The following CTCF variants were observed in gnomAD, a reference collection of about 807,000 sequenced individuals.
CTCF encodes the protein CCCTC-binding factor.
A neutral mutation model predicts 72.3 loss-of-function variants in CTCF; 7 were observed. The observed-to-expected ratio is 0.10, with a 90% CI of 0.06 to 0.18. The LOEUF is 0.18. CTCF is among the 10% of genes least tolerant of loss of function. The pLI is 1.00. For missense variants in CTCF, 516 were observed against 949.1 expected, an observed-to-expected ratio of 0.54 and a Z score of 6.00; for synonymous variants, 374 against 315.8, an observed-to-expected ratio of 1.18 and a Z score of -1.95.
intron 10 of CTCF, among the ~76,000 whole-genome samples, chr16:67,635,205 A>T (rs1181941431): frequency 6.6e-6 from 1 of 151,434 alleles, no homozygotes; most frequent in Non-Finnish European, 1.5e-5. Context: ...GTATTTTAGT[A>T]GAGACAGGGT....
At chr16:67,580,647 T>C (rs565639941) in intron 2 of CTCF, among the ~76,000 whole-genome samples, 3 of 152,006 alleles carry the variant, frequency 2.0e-5, no homozygotes, top group Non-Finnish European at 4.4e-5. Flanking sequence ...CTGCAGCCTC[T>C]GCTTCCCGGG....
At chr16:67,577,902 A>G (rs944150898) in intron 2 of CTCF, among the ~76,000 whole-genome samples, 5 of 152,160 alleles carry the variant, frequency 3.3e-5, no homozygotes, top group Non-Finnish European at 7.3e-5. Context: ...CCTCACTTAA[A>G]TTTGGTCTTA....
chr16:67,610,032 T>C (rs1184504579), intron 2 of CTCF, among the ~76,000 whole-genome samples: 1 of 152,110 alleles, frequency 6.6e-6, no homozygotes. Context: ...CCCAGCCCAG[T>C]AGTGACAACC....
At chr16:67,582,468 G>A (rs1250432352) in intron 2 of CTCF, among the ~76,000 whole-genome samples, 2 of 152,008 alleles carry the variant, frequency 1.3e-5, no homozygotes, top group Admixed American at 6.6e-5. Context: ...TGAGGCGAAC[G>A]GATCGCTTGA....
At chr16:67,596,079 G>A (rs1176481678) in intron 2 of CTCF, among the ~76,000 whole-genome samples, 4 of 151,632 alleles carry the variant, frequency 2.6e-5, no homozygotes, top group African/African-American at 7.3e-5. Context: ...TCAGCCTCCC[G>A]AGTAGCTGGG....
chr16:67,616,354 C>A (rs28643389), intron 4 of CTCF: 2,685 of 172,094 alleles, frequency 0.016, 84 homozygotes, highest in African/African-American at 0.061. Flanking sequence ...TGCTATGTTG[C>A]CCAGGCTGGT....
chr16:67,594,743 A>G (rs1454861189), intron 2 of CTCF, among the ~76,000 whole-genome samples: 1 of 152,136 alleles, frequency 6.6e-6, no homozygotes, highest in Non-Finnish European at 1.5e-5. Context: ...TCATCTGACA[A>G]AGTCAGTGAG....
intron 2 of CTCF, among the ~76,000 whole-genome samples, chr16:67,606,756 GTTT>G (rs796220502): frequency 8.0e-6 from 1 of 124,474 alleles, no homozygotes; most frequent in Non-Finnish European, 1.7e-5. Context: ...TTTGTTTTGG[GTTT>G]TTTTTTTTTT....
At chr16:67,616,670 C>G in intron 4 of CTCF, 75 bp from the exon 5 acceptor site, 5 of 1,540,040 alleles carry the variant, frequency 3.2e-6, no homozygotes, top group Non-Finnish European at 4.5e-6. Flanking sequence ...CATAGCAGTT[C>G]TGTGCCACAC....
intron 2 of CTCF, among the ~76,000 whole-genome samples, chr16:67,604,085 A>C (rs2051936111): frequency 6.7e-6 from 1 of 149,420 alleles, no homozygotes; most frequent in African/African-American, 2.5e-5. Context: ...AGCCATGACC[A>C]TTCTGCTGCA....
rs779672689 is a variant in CTCF, at chr16:67,628,509, C to T, written c.1658C>T (p.Ala553Val). Residue 553 changes from alanine to valine, a missense_variant, in exon 9 of 12, where the codon GCG becomes GTG. Coordinates refer to ENST00000264010, the MANE Select transcript of CTCF (RefSeq NM_006565.4). ...KRYHDPNFVP[A>V]AFVCSKCGKT... ...TATCACGACCCCAACTTCGTCCCTG[C>T]GGCTTTTGTCTGTTCTAAGTGTGGG... The T allele has an allele frequency of 5.6e-6, 9 of 1,614,110 alleles. No homozygotes were observed. Among genetic ancestry groups the T allele is most frequent in the African/African-American group, 1.3e-5 (1 of 74,944 alleles).
chr16:67,564,530 G>A (rs35482869), intron 1 of CTCF, among the ~76,000 whole-genome samples: 1 of 152,078 alleles, frequency 6.6e-6, no homozygotes, highest in Non-Finnish European at 1.5e-5. Context: ...ATTGCATAGA[G>A]TAACTAAATG....
intron 2 of CTCF, among the ~76,000 whole-genome samples, chr16:67,574,548 G>T (rs897224434): frequency 1.3e-5 from 2 of 151,698 alleles, no homozygotes; most frequent in African/African-American, 4.8e-5. Context: ...TGCCATGTTG[G>T]CCAGGCTGGT....
At chr16:67,576,698 T>G (rs1284757473) in intron 2 of CTCF, among the ~76,000 whole-genome samples, 1 of 151,774 alleles carries the variant, frequency 6.6e-6, no homozygotes, top group Non-Finnish European at 1.5e-5. Context: ...GAACCGCTAA[T>G]TTTTTGTGTT....
intron 2 of CTCF, among the ~76,000 whole-genome samples, chr16:67,587,782 A>C (rs560964201): frequency 1.3e-5 from 2 of 152,166 alleles, no homozygotes; most frequent in Non-Finnish European, 2.9e-5. Flanking sequence ...AAAAAGACAA[A>C]AGACTCATTG....
In CTCF at chr16:67,625,595, CA is replaced by C. The variant is rs1473914228; in HGVS notation, c.1358-958del. Reference sequence around the variant, plus strand: ...CAGCTCCCATGGGCTCAAATTCTAACAACTCTTTGTGGCATTGGTGGTACAG... The same window carrying C: ...CAGCTCCCATGGGCTCAAATTCTAACACTCTTTGTGGCATTGGTGGTACAG... On this transcript the variant is annotated intron_variant, in intron 7 of 11. Transcript: ENST00000264010. Among the ~76,000 whole-genome samples, 3 of 152,286 alleles carry C rather than the reference CA, an allele frequency of 2.0e-5. No individual in the cohort carries two copies. The East Asian group carries it at 5.8e-4, about 29-fold the overall frequency.
intron 2 of CTCF, among the ~76,000 whole-genome samples, chr16:67,594,553 G>A (rs773174236): frequency 9.9e-5 from 15 of 151,842 alleles, no homozygotes; most frequent in Non-Finnish European, 1.8e-4. Flanking sequence ...TCTAAACTTT[G>A]CATCACTAAA....
Position 67,583,587 on chromosome 16 carries a change from C to T in CTCF, c.-10+12323C>T, listed in dbSNP as rs190133536. Among the ~76,000 whole-genome samples, 245 of 151,498 alleles carry T rather than the reference C, an allele frequency of 1.6e-3. 1 individual carries two copies. The highest frequency in any genetic ancestry group is 5.6e-3 in the African/African-American group (233 of 41,322). On this transcript the variant is annotated intron_variant, in intron 2 of 11. Transcript: ENST00000264010. ...CTATAATCTCAGCCACTCGGGAGGC[C>T]GAGGCAGGAGAATCACTTGAACCTG...
At chr16:67,594,907 A>C (rs1237298313) in intron 2 of CTCF, among the ~76,000 whole-genome samples, 1 of 152,178 alleles carries the variant, frequency 6.6e-6, no homozygotes, top group South Asian at 2.1e-4. Flanking sequence ...GTACTGGTCA[A>C]GGTTGAGATG....
Sources: gnomAD v4.1 joint callset for allele counts (sites outside exome capture counted in the v4.1 genomes callset) on GRCh38, gnomAD v4.1.1 for gene constraint, MANE v1.5 for transcripts, NCBI Gene and HGNC (gene_info 2026-07-23, HGNC 2026-07-21) for gene names.